The following CEMIP variants were observed in gnomAD, a reference collection of about 807,000 sequenced individuals.
CEMIP encodes cell migration-inducing and hyaluronan-binding protein.
A neutral mutation model predicts 156.9 loss-of-function variants in CEMIP; 105 were observed. That is an observed-to-expected ratio of 0.67 (90% CI 0.57 to 0.79). The LOEUF (loss-of-function observed/expected upper bound fraction) is 0.79, where lower values mean the gene tolerates loss of function less well. Among genes scored for constraint, CEMIP ranks in the 30% least tolerant of loss-of-function variants. CEMIP has a pLI of 0.00. For missense variants in CEMIP, 1,457 were observed against 1,769.4 expected (o/e 0.82, Z 3.17); for synonymous variants, 676 against 668.4 (o/e 1.01, Z -0.17).
chr15:80,802,000 T>A (rs796925726), intron 1 of CEMIP, among the ~76,000 whole-genome samples: 9 of 152,324 alleles, frequency 5.9e-5, no homozygotes, highest in African/African-American at 1.9e-4. Flanking sequence ...ATTAGGGACT[T>A]GAGCATCTGG....
intron 5 of CEMIP, 147 bp downstream of exon 5, chr15:80,880,001 A>T (rs1377039222): frequency 1.1e-5 from 10 of 921,942 alleles, no homozygotes; most frequent in African/African-American, 9.8e-5. Context: ...TGAACAAGAC[A>T]GACATGGTGA....
chr15:80,850,190 G>C (rs1897679003), intron 1 of CEMIP, among the ~76,000 whole-genome samples: 1 of 152,212 alleles, frequency 6.6e-6, no homozygotes, highest in Admixed American at 6.5e-5. Flanking sequence ...TCGGAGAGGT[G>C]TCTTTGGCAG....
intron 28 of CEMIP, among the ~76,000 whole-genome samples, chr15:80,946,061 G>A (rs1159658358): frequency 6.6e-6 from 1 of 152,180 alleles, no homozygotes; most frequent in Non-Finnish European, 1.5e-5. Flanking sequence ...CAAAATAGAG[G>A]CAATAGCCCT....
In CEMIP at chr15:80,779,395, G is replaced by A. The variant is rs1435859269; in HGVS notation, c.-395G>A. 1 of 152,406 alleles carries A rather than the reference G, an allele frequency of 6.6e-6. No homozygotes were observed. The highest frequency in any genetic ancestry group is 1.5e-5 in the Non-Finnish European group (1 of 68,176). 9.4% of individuals were successfully genotyped at this position (152,406 alleles called of 1,614,324 possible). A position where few individuals can be genotyped will look rare whatever the true frequency, so the allele number is the denominator to read the frequency against. The stretch of plus-strand genomic sequence containing the variant: ...GGAGCTAGCGCTCAAGCAGAGCCCA[G>A]CGCGGTGCTATCGGACAGAGCCTGG... On this transcript the variant is annotated 5_prime_UTR_variant, in exon 1 of 30. Coordinates refer to ENST00000394685, the MANE Select transcript of CEMIP (RefSeq NM_001293298.2).
rs1428713929 is a variant in CEMIP at position 80,881,065 on chromosome 15, G to T, written c.546G>T (p.Arg182Ser). ...CAGAAGGAGGCTATTTTTTTGAAAG[G>T]AGCTGGGGCCACCGTGGAGTTATTG... ...GMAEGGYFFERSWGHRGVIVH... is the reference protein window; with the variant it reads ...GMAEGGYFFESSWGHRGVIVH... The change falls in exon 6 of 30, where the codon AGG becomes AGT. Residue 182 changes from arginine to serine, a missense_variant. Arg to Ser is a moderately radical substitution (Grantham distance 110). Transcript: ENST00000394685. 1 of 1,614,192 alleles carries T rather than the reference G, an allele frequency of 6.2e-7. No homozygotes were observed. The highest frequency in any genetic ancestry group is 1.1e-5 in the South Asian group (1 of 91,086).
At chr15:80,865,985 C>G (rs563383736) in intron 1 of CEMIP, among the ~76,000 whole-genome samples, 1 of 152,172 alleles carries the variant, frequency 6.6e-6, no homozygotes, top group East Asian at 1.9e-4. Context: ...TGGCCGCCCA[C>G]GGGCTAACGA....
chr15:80,800,443 T>A (rs974301135), intron 1 of CEMIP, among the ~76,000 whole-genome samples: 1 of 152,216 alleles, frequency 6.6e-6, no homozygotes, highest in South Asian at 2.1e-4. Context: ...AATGGCTGAA[T>A]GTGGCTGGCT....
At chr15:80,907,891 T>A (rs1302438094) in intron 13 of CEMIP, among the ~76,000 whole-genome samples, 1 of 152,194 alleles carries the variant, frequency 6.6e-6, no homozygotes, top group East Asian at 1.9e-4. Flanking sequence ...AAAGCTAATA[T>A]CACGCACTTT....
intron 1 of CEMIP, among the ~76,000 whole-genome samples, chr15:80,801,578 G>A (rs887557637): frequency 1.3e-5 from 2 of 152,246 alleles, no homozygotes; most frequent in African/African-American, 2.4e-5. Context: ...TGTTCAAGGG[G>A]AGGAGATTTA....
intron 13 of CEMIP, among the ~76,000 whole-genome samples, chr15:80,907,100 T>TCA (rs149843130): frequency 0.052 from 7,963 of 152,300 alleles, 703 homozygotes; most frequent in African/African-American, 0.18. Context: ...GTGGTACACA[T>TCA]CACACTGTTT....
rs569577283 is a variant in CEMIP, at chr15:80,863,735, C to T, written c.-175-9803C>T. 3.3e-5 allele frequency among the ~76,000 whole-genome samples: 5 copies of T among 152,250 alleles called. No homozygotes were observed. In the South Asian group the frequency reaches 6.2e-4, roughly 19 times the overall value. On this transcript the variant is annotated intron_variant, in intron 1 of 29. Coordinates refer to ENST00000394685, the MANE Select transcript of CEMIP (RefSeq NM_001293298.2). Reference sequence around the variant, plus strand: ...GAATGGGGCAAGGCCTTTGGGGGCCCGGAGGAAGTTCGTGGGACTAAGAAT... The same window carrying T: ...GAATGGGGCAAGGCCTTTGGGGGCCTGGAGGAAGTTCGTGGGACTAAGAAT...
chr15:80,880,093 C>CT (rs1898597663), intron 5 of CEMIP, among the ~76,000 whole-genome samples: 1 of 152,208 alleles, frequency 6.6e-6, no homozygotes. Context: ...GCCTGCCAGC[C>CT]TTTCAGCCAC....
At chr15:80,846,178 G>A (rs534440012) in intron 1 of CEMIP, among the ~76,000 whole-genome samples, 2 of 152,328 alleles carry the variant, frequency 1.3e-5, no homozygotes, top group East Asian at 3.9e-4. Context: ...CCCTTTGGCA[G>A]TGTCAGGCCC....
At chr15:80,922,284 G>T in intron 17 of CEMIP, 147 bp downstream of exon 17, 2 of 1,076,506 alleles carry the variant, frequency 1.9e-6, no homozygotes, top group Non-Finnish European at 2.8e-6. Flanking sequence ...GAGCAGCCTT[G>T]CGAGGCCTCC....
intron 10 of CEMIP, among the ~76,000 whole-genome samples, chr15:80,891,997 C>T (rs1040216192): frequency 6.6e-6 from 1 of 152,136 alleles, no homozygotes; most frequent in African/African-American, 2.4e-5. Context: ...TTAATTAACC[C>T]AGGGAGAGAC....
At position 80,922,009 on chromosome 15, in the gene CEMIP, G is replaced by C. The variant is rs1465576195; in HGVS notation, c.2074G>C (p.Glu692Gln). ...TTTCCCTTGTGTCCTTCCCCAACAG[G>C]AAACTGGATTTTGGTTTATTTTTCA... ...LINCAAAGSE[E>Q]TGFWFIFHHV... Residue 692 changes from glutamate (E) to glutamine (Q), a missense_variant and splice_region_variant, in exon 17 of 30, where the codon GAA becomes CAA. Physicochemically the swap from Glu to Gln is conservative, Grantham distance 29. Coordinates refer to ENST00000394685, the MANE Select transcript of CEMIP (RefSeq NM_001293298.2). 3 of 1,614,188 alleles carry C rather than the reference G, an allele frequency of 1.9e-6. No homozygotes were observed. Among genetic ancestry groups the C allele is most frequent in the Non-Finnish European group, 2.5e-6 (3 of 1,180,022 alleles).
intron 23 of CEMIP, among the ~76,000 whole-genome samples, chr15:80,935,810 C>G (rs1567109399): frequency 6.6e-6 from 1 of 152,148 alleles, no homozygotes; most frequent in African/African-American, 2.4e-5. Context: ...GTGATCTCGG[C>G]TCACTGCAAC....
chr15:80,926,942 T>C (rs1193562718), intron 19 of CEMIP, among the ~76,000 whole-genome samples: 1 of 151,484 alleles, frequency 6.6e-6, no homozygotes, highest in Non-Finnish European at 1.5e-5. Flanking sequence ...GCAATTCTCC[T>C]GCCTCAGCCT....
rs866782315 is a variant in CEMIP at position 80,813,323 on chromosome 15, T to C, written c.-176+33709T>C. 1.3e-4 allele frequency among the ~76,000 whole-genome samples: 20 copies of C among 151,996 alleles called. No homozygotes were observed. The Middle Eastern group carries it at 0.014, about 104-fold the overall frequency. Reference sequence around the variant, plus strand: ...TTAGCTGCCATCCTCCTCCTCGTTATCATTTGTAATAGGAGCAGCAGTACG... The same window carrying C: ...TTAGCTGCCATCCTCCTCCTCGTTACCATTTGTAATAGGAGCAGCAGTACG... On this transcript the variant is annotated intron_variant, in intron 1 of 29. Transcript: ENST00000394685.
Sources: gnomAD v4.1 joint callset for allele counts (sites outside exome capture counted in the v4.1 genomes callset) on GRCh38, gnomAD v4.1.1 for gene constraint, MANE v1.5 for transcripts, NCBI Gene and HGNC (gene_info 2026-07-23, HGNC 2026-07-21) for gene names.